SPATS2L: variants seen among roughly 807,000 people sequenced by gnomAD.
The protein encoded by SPATS2L is SPATS2-like protein.
In SPATS2L, 30 loss-of-function variants were observed where a neutral mutation model predicts 59.6. That is an observed-to-expected ratio of 0.50 (90% CI 0.38 to 0.68). SPATS2L has a LOEUF of 0.68. SPATS2L is among the 30% of genes least tolerant of loss of function. The probability of loss-of-function intolerance (pLI) is 0.00; values close to 1 mark genes in which losing one functional copy is unlikely to be tolerated. For synonymous variants in SPATS2L, 252 were observed against 263.5 expected (o/e 0.96, Z 0.42); for missense variants, 615 against 700.0 (o/e 0.88, Z 1.37).
chr2:200,387,507 A>G (rs2105922530), intron 2 of SPATS2L, among the ~76,000 whole-genome samples: 1 of 152,334 alleles, frequency 6.6e-6, no homozygotes, highest in East Asian at 1.9e-4. Context: ...AGTTGAGAAT[A>G]ATTTGAGTAG....
chr2:200,371,992 C>T (rs758420291), intron 2 of SPATS2L: 20 of 982,640 alleles, frequency 2.0e-5, no homozygotes, highest in Non-Finnish European at 2.4e-5. Context: ...AAGAAAGGCT[C>T]TTTCCATCAC....
chr2:200,477,807 G>C lies in SPATS2L; in HGVS notation c.1453G>C (p.Gly485Arg), dbSNP rs753061542. ...PHNGFRPKNKGGAKNQEASLG... is the reference protein window; with the variant it reads ...PHNGFRPKNKRGAKNQEASLG... ...CAACGGCTTCCGGCCCAAAAACAAA[G>C]GCGGTGCCAAAAATCAAGAGGCTTC... Residue 485 changes from glycine to arginine, a missense_variant, in exon 13 of 13, where the codon GGC (glycine) becomes CGC (arginine). Gly to Arg is a moderately radical substitution (Grantham distance 125). Transcript: ENST00000409140. 6.3e-7 allele frequency: 1 copy of C among 1,575,166 alleles called. No individual in the cohort carries two copies. The highest frequency in any genetic ancestry group is 8.6e-7 in the Non-Finnish European group (1 of 1,160,400).
chr2:200,382,139 TC>T lies in SPATS2L; in HGVS notation c.-22-7082del, dbSNP rs1277394823. Among the ~76,000 whole-genome samples the T allele has an allele frequency of 2.0e-5, 3 of 152,038 alleles. No individual in the cohort carries two copies. The East Asian group carries it at 5.8e-4, about 29-fold the overall frequency. ...GACATGATCTTAGCTCACTGCAACT[TC>T]CGCCCCACCTACCGGGTTCAAGCAA... On this transcript the variant is annotated intron_variant, in intron 2 of 12. Transcript: ENST00000409140.
At chr2:200,462,516 G>A (rs989643930) in intron 9 of SPATS2L, among the ~76,000 whole-genome samples, 1 of 152,162 alleles carries the variant, frequency 6.6e-6, no homozygotes, top group Non-Finnish European at 1.5e-5. Context: ...TCAGCCCTGG[G>A]GAAGCCCATT....
chr2:200,379,682 C>T (rs1198613836), intron 2 of SPATS2L, among the ~76,000 whole-genome samples: 2 of 147,620 alleles, frequency 1.4e-5, no homozygotes, highest in Admixed American at 6.7e-5. Flanking sequence ...GATTTGCCAG[C>T]GGGTGGTGGG....
rs115619569 is a variant in SPATS2L, at chr2:200,406,708, A to G, written c.40-5603A>G. ...CTCACTTAGCACAAGTTGCAGTGATATATTTTAATTTCTGTGTTTATATCC... is the reference window on the plus strand; with the variant it reads ...CTCACTTAGCACAAGTTGCAGTGATGTATTTTAATTTCTGTGTTTATATCC... On this transcript the variant is annotated intron_variant, in intron 3 of 12. Coordinates refer to ENST00000409140, the MANE Select transcript of SPATS2L (RefSeq NM_001100423.2). Among the ~76,000 whole-genome samples the G allele has an allele frequency of 9.2e-3, 1,397 of 152,342 alleles. 23 individuals are homozygous for G. The highest frequency in any genetic ancestry group is 0.031 in the African/African-American group (1,297 of 41,574).
chr2:200,345,622 C>T (rs1342617513), intron 2 of SPATS2L, among the ~76,000 whole-genome samples: 4 of 152,186 alleles, frequency 2.6e-5, no homozygotes, highest in Non-Finnish European at 5.9e-5. Context: ...CCCAGAGAAA[C>T]TGCTGAGTGG....
At chr2:200,368,838 G>T (rs2105886765) in intron 2 of SPATS2L, among the ~76,000 whole-genome samples, 1 of 152,220 alleles carries the variant, frequency 6.6e-6, no homozygotes, top group African/African-American at 2.4e-5. Context: ...TACTCCTAAA[G>T]CTCCTCAAAC....
At chr2:200,412,522 C>G (rs2082912696) in intron 4 of SPATS2L, 103 bp downstream of exon 4, 1 of 554,714 alleles carries the variant, frequency 1.8e-6, no homozygotes, top group Middle Eastern at 4.2e-4. Flanking sequence ...ATTATGTGTA[C>G]TTTAGGTCTC....
At chr2:200,361,527 T>C (rs1266456325) in intron 2 of SPATS2L, among the ~76,000 whole-genome samples, 4 of 152,194 alleles carry the variant, frequency 2.6e-5, no homozygotes, top group African/African-American at 9.6e-5. Context: ...AACTGCACGC[T>C]AAGAGAATAC....
intron 6 of SPATS2L, among the ~76,000 whole-genome samples, chr2:200,424,344 C>G (rs1314199804): frequency 2.0e-5 from 3 of 151,788 alleles, no homozygotes; most frequent in African/African-American, 7.3e-5. Flanking sequence ...GAAAAATTAG[C>G]TTGGTACGGT....
At chr2:200,425,546 C>T (rs977996309) in intron 6 of SPATS2L, among the ~76,000 whole-genome samples, 4 of 152,132 alleles carry the variant, frequency 2.6e-5, no homozygotes, top group Non-Finnish European at 5.9e-5. Flanking sequence ...TCACTTTCCT[C>T]ATCTGCAAAA....
intron 2 of SPATS2L, among the ~76,000 whole-genome samples, chr2:200,341,260 G>T (rs1014882473): frequency 3.9e-5 from 6 of 152,106 alleles, no homozygotes; most frequent in Admixed American, 3.9e-4. Context: ...GGCAGGGCCT[G>T]GATTTGAACC....
At chr2:200,449,206 T>C (rs1311064369) in intron 8 of SPATS2L, among the ~76,000 whole-genome samples, 2 of 152,194 alleles carry the variant, frequency 1.3e-5, no homozygotes, top group Non-Finnish European at 2.9e-5. Context: ...AATAGATGTT[T>C]CCCCAGGGCC....
rs1043850363 is a variant in SPATS2L, at chr2:200,470,035, C to T, written c.1060+19C>T. The T allele has an allele frequency of 6.4e-7, 1 of 1,564,980 alleles. No homozygotes were observed. The highest frequency in any genetic ancestry group is 8.7e-7 in the Non-Finnish European group (1 of 1,148,536). Reference sequence around the variant, plus strand: ...GGAGAAAGTGAGTTTTGCATATTTGCTGAATAATTCTGTGTGAGTAACCTT... The same window carrying T: ...GGAGAAAGTGAGTTTTGCATATTTGTTGAATAATTCTGTGTGAGTAACCTT... On this transcript the variant is annotated intron_variant, in intron 11 of 12. Coordinates refer to ENST00000409140, the MANE Select transcript of SPATS2L (RefSeq NM_001100423.2).
At chr2:200,378,539 T>C (rs2081680913) in intron 2 of SPATS2L, among the ~76,000 whole-genome samples, 2 of 152,184 alleles carry the variant, frequency 1.3e-5, no homozygotes, top group South Asian at 4.1e-4. Flanking sequence ...GTACATCATA[T>C]ACTGTTTTTG....
chr2:200,396,027 A>ATAT (rs1488053459), intron 3 of SPATS2L, among the ~76,000 whole-genome samples: 2 of 38,798 alleles, frequency 5.2e-5, no homozygotes, highest in African/African-American at 7.2e-5. Flanking sequence ...AAAAAAAAAA[A>ATAT]AAAAAAATAT....
chr2:200,335,385 A>G (rs567808945), intron 2 of SPATS2L, among the ~76,000 whole-genome samples: 3 of 94,956 alleles, frequency 3.2e-5, no homozygotes, highest in South Asian at 7.4e-4. Context: ...TCTCAAAAAA[A>G]AAAGAAAGAA....
At chr2:200,418,408 A>G (rs931961530) in intron 5 of SPATS2L, among the ~76,000 whole-genome samples, 1 of 152,050 alleles carries the variant, frequency 6.6e-6, no homozygotes, top group Non-Finnish European at 1.5e-5. Flanking sequence ...CCCTGTATCT[A>G]CAAAACATTT....
Sources: gnomAD v4.1 joint callset for allele counts (sites outside exome capture counted in the v4.1 genomes callset) on GRCh38, gnomAD v4.1.1 for gene constraint, MANE v1.5 for transcripts, NCBI Gene and HGNC (gene_info 2026-07-23, HGNC 2026-07-21) for gene names.